Variants in GASK1A observed in about 807,000 individuals in gnomAD.
GASK1A encodes Golgi-associated kinase 1A.
Under a neutral mutation model 41.2 loss-of-function variants are expected in GASK1A, and 40 were observed. The ratio of observed to expected loss-of-function variants is 0.97; its 90% CI spans 0.75 to 1.27. The LOEUF is 1.27. Among genes scored for constraint, GASK1A ranks in the 50% most tolerant of loss-of-function variants. GASK1A has a pLI of 0.00. For missense variants in GASK1A, 678 were observed against 745.1 expected (o/e 0.91, Z 1.05); for synonymous variants, 316 against 307.1 (o/e 1.03, Z -0.30).
At chr3:43,024,733 T>C (rs2089537971) in intron 1 of GASK1A, among the ~76,000 whole-genome samples, 1 of 152,126 alleles carries the variant, frequency 6.6e-6, no homozygotes, top group South Asian at 2.1e-4. Context: ...GCAGAGAGCT[T>C]CTCACGTGCC....
At chr3:43,001,810 G>T (rs954471578) in intron 1 of GASK1A, among the ~76,000 whole-genome samples, 4 of 152,072 alleles carry the variant, frequency 2.6e-5, no homozygotes, top group Admixed American at 6.5e-5. Flanking sequence ...ATTTCTGAGG[G>T]GTAGGGAGGC....
intron 1 of GASK1A, among the ~76,000 whole-genome samples, chr3:43,021,606 A>G (rs983581127): frequency 6.6e-6 from 1 of 152,134 alleles, no homozygotes; most frequent in African/African-American, 2.4e-5. Flanking sequence ...ATACCCAACC[A>G]TGTAGTGGGC....
chr3:43,036,071 G>A (rs1382356011), intron 2 of GASK1A, among the ~76,000 whole-genome samples: 1 of 152,254 alleles, frequency 6.6e-6, no homozygotes, highest in Admixed American at 6.5e-5. Flanking sequence ...GCTTGCAGCT[G>A]CTCTCTGCTC....
chr3:43,024,707 T>C (rs2089537865), intron 1 of GASK1A, among the ~76,000 whole-genome samples: 3 of 152,130 alleles, frequency 2.0e-5, no homozygotes, highest in African/African-American at 7.2e-5. Context: ...ACCCCTCTTA[T>C]CTGACAGCTC....
chr3:43,034,067 A>T (rs2089593444), intron 2 of GASK1A, among the ~76,000 whole-genome samples: 1 of 151,900 alleles, frequency 6.6e-6, no homozygotes, highest in Non-Finnish European at 1.5e-5. Flanking sequence ...ACAAATCAGG[A>T]CTCCCCTCTA....
In GASK1A at chr3:43,056,407, A is replaced by G. The variant is rs1167594428; in HGVS notation, c.*21A>G. The G allele has an allele frequency of 1.3e-6, 2 of 1,499,880 alleles. No homozygotes were observed. The highest frequency in any genetic ancestry group is 1.3e-5 in the South Asian group (1 of 77,744). The allele number at this position is 1,499,880 out of a possible 1,614,324, so 92.9% of individuals were successfully genotyped here. On this transcript the variant is annotated 3_prime_UTR_variant, in exon 5 of 5. Transcript: ENST00000430121. ...CATAAGCCGCACACAGCCCTGAGTC[A>G]ATGAGCATCCATCCTGATGGCCACA...
At chr3:42,990,540 G>A (rs1352648764) in intron 1 of GASK1A, among the ~76,000 whole-genome samples, 2 of 152,102 alleles carry the variant, frequency 1.3e-5, no homozygotes, top group Admixed American at 6.5e-5. Flanking sequence ...CCATGTGCCC[G>A]GCCTCCATTT....
chr3:43,055,577 A>G (rs1205768289), intron 4 of GASK1A, 42 bp downstream of exon 4: 2 of 1,395,720 alleles, frequency 1.4e-6, no homozygotes, highest in Non-Finnish European at 2.0e-6. Context: ...TGGGACTGAG[A>G]CCTGATGGCC....
At chr3:42,982,016 A>T (rs867695391) in intron 1 of GASK1A, among the ~76,000 whole-genome samples, 10 of 152,226 alleles carry the variant, frequency 6.6e-5, no homozygotes, top group African/African-American at 2.4e-4. Context: ...GGTTAGAAGT[A>T]TACAAATAAA....
intron 4 of GASK1A, 88 bp downstream of exon 4, chr3:43,055,623 G>A: frequency 2.2e-6 from 2 of 908,718 alleles, no homozygotes; most frequent in Non-Finnish European, 3.5e-6. Flanking sequence ...CTGTGGCCCT[G>A]AGAAGCCCAC....
chr3:43,040,886 C>CCG lies in GASK1A; in HGVS notation c.1290+7333_1290+7334insCG, dbSNP rs1185963693. 8.0e-5 allele frequency among the ~76,000 whole-genome samples: 11 copies of CCG among 137,750 alleles called. 1 individual carries two copies. The highest frequency in any genetic ancestry group is 1.5e-4 in the Non-Finnish European group (9 of 61,152). 90.4% of individuals were successfully genotyped at this position (137,750 alleles called of 152,430 possible). Reference sequence around the variant, plus strand: ...TCCCAATGCTATCCCTCCCCCCCGCCACAACAGTCCGCAGAGTGTGATGTT... The same window carrying CCG: ...TCCCAATGCTATCCCTCCCCCCCGCCCGACAACAGTCCGCAGAGTGTGATGTT... On this transcript the variant is annotated intron_variant, in intron 2 of 4. Coordinates refer to ENST00000430121, the MANE Select transcript of GASK1A (RefSeq NM_001129908.3).
chr3:42,979,648 A>T lies in GASK1A; in HGVS notation c.3+3A>T. The T allele has an allele frequency of 8.0e-7, 1 of 1,245,498 alleles. No homozygotes were observed. Among genetic ancestry groups the T allele is most frequent in the Non-Finnish European group, 1.0e-6 (1 of 987,668 alleles). 77.2% of individuals were successfully genotyped at this position (1,245,498 alleles called of 1,614,324 possible). On this transcript the variant is annotated splice_donor_region_variant and intron_variant, in intron 1 of 4. Coordinates refer to ENST00000430121, the MANE Select transcript of GASK1A (RefSeq NM_001129908.3). ...GCCGGGGCACCGCCGGGGACATGGT[A>T]GGACTCGCGGGAAGGAACGCGCGAG...
In GASK1A at chr3:43,017,844, A is replaced by T. The variant is rs548036830; in HGVS notation, c.4-14423A>T. 8.4e-3 allele frequency among the ~76,000 whole-genome samples: 1,087 copies of T among 129,356 alleles called. 4 individuals carry two copies. The highest frequency in any genetic ancestry group is 0.012 in the Admixed American group (158 of 13,120). The allele number at this position is 129,356 out of a possible 152,430, so 84.9% of individuals were successfully genotyped here. Reference sequence around the variant, plus strand: ...AGGCTGTGGGAAGTCACAAGAAGGGACTGTGTGAAGCCACAGGAAGGGCCA... The same window carrying T: ...AGGCTGTGGGAAGTCACAAGAAGGGTCTGTGTGAAGCCACAGGAAGGGCCA... On this transcript the variant is annotated intron_variant, in intron 1 of 4. Transcript: ENST00000430121.
chr3:43,015,575 T>G (rs2089486726), intron 1 of GASK1A, among the ~76,000 whole-genome samples: 1 of 144,046 alleles, frequency 6.9e-6, no homozygotes, highest in South Asian at 2.2e-4. Context: ...GAAGGGGCTG[T>G]GCAAAGTCAC....
At chr3:43,009,058 C>G (rs561588601) in intron 1 of GASK1A, among the ~76,000 whole-genome samples, 1 of 152,308 alleles carries the variant, frequency 6.6e-6, no homozygotes, top group East Asian at 1.9e-4. Context: ...ACTTTATATA[C>G]ATTAAAATAT....
rs1469886840 is a variant in GASK1A at position 43,033,179 on chromosome 3, C to G, written c.916C>G (p.Pro306Ala). ...TEAALQDLSSPRLSQLCSQGL... is the reference protein window; with the variant it reads ...TEAALQDLSSARLSQLCSQGL... Reference sequence around the variant, plus strand: ...GGCTGCCCTTCAGGACCTGTCCTCTCCCAGGCTCAGCCAACTCTGTTCCCA... The same window carrying G: ...GGCTGCCCTTCAGGACCTGTCCTCTGCCAGGCTCAGCCAACTCTGTTCCCA... The change falls in exon 2 of 5, where the codon CCC (proline) becomes GCC (alanine). Residue 306 changes from proline to alanine, a missense_variant. Coordinates refer to ENST00000430121, the MANE Select transcript of GASK1A (RefSeq NM_001129908.3). The G allele has an allele frequency of 3.2e-6, 5 of 1,551,038 alleles. No individual in the cohort carries two copies. The South Asian group carries it at 6.0e-5, about 18-fold the overall frequency.
intron 1 of GASK1A, among the ~76,000 whole-genome samples, chr3:43,029,146 GA>G (rs2089562250): frequency 6.6e-6 from 1 of 152,110 alleles, no homozygotes; most frequent in African/African-American, 2.4e-5. Context: ...CAGGTGGATG[GA>G]AAGTATCCAT....
intron 1 of GASK1A, among the ~76,000 whole-genome samples, chr3:43,030,463 C>T (rs1018977873): frequency 3.3e-5 from 5 of 152,222 alleles, no homozygotes; most frequent in African/African-American, 1.2e-4. Flanking sequence ...GAGCCCCAGG[C>T]GGTGGCTACT....
At chr3:42,985,812 A>T (rs1441106599) in intron 1 of GASK1A, among the ~76,000 whole-genome samples, 2 of 152,172 alleles carry the variant, frequency 1.3e-5, no homozygotes, top group African/African-American at 4.8e-5. Flanking sequence ...CATCTGTTAG[A>T]ATAGTTAAAA....
Sources: allele counts gnomAD v4.1 joint callset (sites outside exome capture counted in the v4.1 genomes callset), GRCh38; gene constraint gnomAD v4.1.1; transcripts MANE v1.5; gene names NCBI Gene and HGNC (gene_info 2026-07-23, HGNC 2026-07-21).